VAC14: variants seen among roughly 807,000 people sequenced by gnomAD.
VAC14 encodes the protein protein VAC14 homolog.
Under a neutral mutation model 85.3 loss-of-function variants are expected in VAC14, and 47 were observed. That is an observed-to-expected ratio of 0.55 (90% CI 0.44 to 0.70). VAC14 has a LOEUF of 0.70. Ranked by LOEUF, VAC14 falls within the 30% of genes least tolerant of loss-of-function variation. The pLI, the probability that VAC14 is intolerant of heterozygous loss-of-function variation, is 0.00. For synonymous variants in VAC14, 447 were observed against 430.5 expected, an observed-to-expected ratio of 1.04 and a Z score of -0.47; for missense variants, 861 against 1,004.3, an observed-to-expected ratio of 0.86 and a Z score of 1.93.
At chr16:70,708,711 G>A (rs1487895322) in intron 14 of VAC14, among the ~76,000 whole-genome samples, 1 of 152,234 alleles carries the variant, frequency 6.6e-6, no homozygotes, top group African/African-American at 2.4e-5. Flanking sequence ...TGAGATAGCA[G>A]GAAGGACCGA....
At position 70,800,816 on chromosome 16, in the gene VAC14, C is replaced by T; in HGVS notation, c.85G>A (p.Ala29Thr). 2 of 1,609,528 alleles carry T rather than the reference C, an allele frequency of 1.2e-6. No individual in the cohort carries two copies. Among genetic ancestry groups the T allele is most frequent in the Non-Finnish European group, 1.7e-6 (2 of 1,178,000 alleles). The part of the protein sequence containing the change: ...NDKLYEKRKV[A>T]ALEIEKLVRE... Reference sequence around the variant, plus strand: ...TCTTACTTCTCGATCTCCAGCGCTGCCACCTTCCGCTTTTCGTACAGCTTG... The same window carrying T: ...TCTTACTTCTCGATCTCCAGCGCTGTCACCTTCCGCTTTTCGTACAGCTTG... The change falls in exon 1 of 19, where the codon GCA (alanine) becomes ACA (threonine). Residue 29 changes from alanine to threonine, a missense_variant. Transcript: ENST00000261776.
intron 13 of VAC14, among the ~76,000 whole-genome samples, chr16:70,741,001 C>T (rs2030236469): frequency 6.6e-6 from 1 of 152,258 alleles, no homozygotes; most frequent in South Asian, 2.1e-4. Flanking sequence ...TGATCCGCAC[C>T]ATGTGGTTCC....
At chr16:70,750,785 A>G (rs997362325) in intron 12 of VAC14, among the ~76,000 whole-genome samples, 1 of 151,852 alleles carries the variant, frequency 6.6e-6, no homozygotes, top group African/African-American at 2.4e-5. Context: ...CCAGGCCCTC[A>G]CTGTCCCAAC....
At chr16:70,744,669 C>T in intron 12 of VAC14, 90 bp from the exon 13 acceptor site, 1 of 1,463,608 alleles carries the variant, frequency 6.8e-7, no homozygotes, top group East Asian at 2.4e-5. Context: ...ACACAGCCAC[C>T]TGCAGGGGTG....
chr16:70,691,867 G>A (rs2053602673), intron 18 of VAC14: 1 of 985,448 alleles, frequency 1.0e-6, no homozygotes, highest in African/African-American at 1.7e-5. Context: ...CCTGTCTCAA[G>A]GCTGCCTGTG....
At chr16:70,797,294 GAC>G (rs2034587232) in intron 1 of VAC14, among the ~76,000 whole-genome samples, 1 of 152,108 alleles carries the variant, frequency 6.6e-6, no homozygotes, top group Admixed American at 6.5e-5. Context: ...ACATCACTCT[GAC>G]ACTGACTCTT....
chr16:70,736,374 A>C (rs2054753402), intron 13 of VAC14, among the ~76,000 whole-genome samples: 1 of 152,014 alleles, frequency 6.6e-6, no homozygotes, highest in African/African-American at 2.4e-5. Flanking sequence ...CTCAGAATGG[A>C]TGTCTGGGGG....
At chr16:70,728,118 C>T (rs543248557) in intron 14 of VAC14, among the ~76,000 whole-genome samples, 27 of 152,280 alleles carry the variant, frequency 1.8e-4, no homozygotes, top group East Asian at 7.7e-4. Context: ...TGTGGCTGTG[C>T]GGGTGGGAGT....
intron 12 of VAC14, among the ~76,000 whole-genome samples, chr16:70,757,603 G>A (rs79726984): frequency 0.01 from 1,565 of 152,270 alleles, 9 homozygotes; most frequent in Non-Finnish European, 0.017. Context: ...GAGGTCCTCC[G>A]GCCTCTAGAG....
In VAC14 at chr16:70,761,018, T is replaced by TGTGTGTGTGCGC. The variant is rs1555523169; in HGVS notation, c.1371+1521_1371+1522insGCGCACACACAC. On this transcript the variant is annotated intron_variant, in intron 12 of 18. Transcript: ENST00000261776. ...GTGTGTGTGTGTGTGTGTGTGTGTG[T>TGTGTGTGTGCGC]GCATGGGGGGGCGGGGGGTAGGCAG... 6 of 267,814 alleles carry TGTGTGTGTGCGC rather than the reference T, an allele frequency of 2.2e-5. No individual in the cohort carries two copies. In the African/African-American group the frequency reaches 2.6e-4, roughly 11 times the overall value. The allele number at this position is 267,814 out of a possible 1,614,324, so 16.6% of individuals were successfully genotyped here.
At chr16:70,775,474 G>A (rs546720966) in intron 9 of VAC14, among the ~76,000 whole-genome samples, 1 of 152,324 alleles carries the variant, frequency 6.6e-6, no homozygotes, top group African/African-American at 2.4e-5. Flanking sequence ...TATTCTAGGT[G>A]CGGGCCATAG....
chr16:70,783,389 T>A, intron 6 of VAC14, 56 bp downstream of exon 6: 1 of 1,564,198 alleles, frequency 6.4e-7, no homozygotes, highest in South Asian at 1.1e-5. Flanking sequence ...ATGAAGCACA[T>A]GGGCACAGCT....
At chr16:70,728,395 T>A (rs982783580) in intron 14 of VAC14, among the ~76,000 whole-genome samples, 8 of 151,858 alleles carry the variant, frequency 5.3e-5, no homozygotes, top group African/African-American at 1.9e-4. Context: ...AGTGCAGGAG[T>A]TTGCAGCCCA....
chr16:70,692,534 T>C (rs1273736253), intron 18 of VAC14, among the ~76,000 whole-genome samples: 2 of 152,124 alleles, frequency 1.3e-5, no homozygotes, highest in Non-Finnish European at 2.9e-5. Context: ...TCAGAGTTTT[T>C]AGATTTTGCA....
chr16:70,754,720 C>T (rs550602686), intron 12 of VAC14, among the ~76,000 whole-genome samples: 164 of 152,262 alleles, frequency 1.1e-3, no homozygotes, highest in Non-Finnish European at 2.0e-3. Context: ...GGCACCGACA[C>T]GGCACCCCTC....
At chr16:70,791,507 C>T (rs915562160) in intron 1 of VAC14, among the ~76,000 whole-genome samples, 2 of 152,182 alleles carry the variant, frequency 1.3e-5, no homozygotes, top group South Asian at 4.1e-4. Context: ...GCCTCAACCT[C>T]CTGAGTAGCT....
chr16:70,698,568 G>A (rs1177804744), intron 15 of VAC14, 69 bp downstream of exon 15: 70 of 1,574,424 alleles, frequency 4.4e-5, no homozygotes, highest in East Asian at 4.5e-5. Context: ...GCCGAGGGGC[G>A]GGCTCACACA....
In VAC14 at chr16:70,780,921, T is replaced by G. The variant is rs745504886; in HGVS notation, c.965A>C (p.Asn322Thr). The part of the protein sequence containing the change: ...DRKKSIKEVA[N>T]VCNQSLMKLV... Reference sequence around the variant, plus strand: ...CTTCATCAGGCTCTGGTTGCACACGTTGGCCACTTCTTTGATGCCTGAGTC... The same window carrying G: ...CTTCATCAGGCTCTGGTTGCACACGGTGGCCACTTCTTTGATGCCTGAGTC... Residue 322 changes from asparagine (N) to threonine (T), a missense_variant, in exon 9 of 19, where the codon AAC (asparagine) becomes ACC (threonine). This residue lies in a region of VAC14 where 629 missense variants were observed against 703.1 expected (regional missense o/e 0.89). Coordinates refer to ENST00000261776, the MANE Select transcript of VAC14 (RefSeq NM_018052.5). The G allele has an allele frequency of 2.0e-5, 33 of 1,614,054 alleles. No homozygotes were observed. The highest frequency in any genetic ancestry group is 2.6e-5 in the Non-Finnish European group (31 of 1,180,028).
chr16:70,708,576 TTG>T (rs1374103540), intron 14 of VAC14, among the ~76,000 whole-genome samples: 1 of 152,216 alleles, frequency 6.6e-6, no homozygotes, highest in Non-Finnish European at 1.5e-5. Flanking sequence ...AGGTCTGCGT[TTG>T]TGTCTTAGAA....
Sources: gnomAD v4.1 joint callset for allele counts (sites outside exome capture counted in the v4.1 genomes callset) on GRCh38, gnomAD v4.1.1 for gene constraint, gnomAD v4.1.1 regional missense constraint, MANE v1.5 for transcripts, NCBI Gene and HGNC (gene_info 2026-07-23, HGNC 2026-07-21) for gene names.